The following CCDC77 variants were observed in gnomAD, a reference collection of about 807,000 sequenced individuals.
CCDC77 encodes the protein coiled-coil domain containing 77, also known as coiled-coil domain-containing protein 77.
A neutral mutation model predicts 66.8 loss-of-function variants in CCDC77; 56 were observed. The observed-to-expected ratio is 0.84, with a 90% CI of 0.68 to 1.05. The LOEUF (loss-of-function observed/expected upper bound fraction) is 1.05, where lower values mean the gene tolerates loss of function less well. Among genes scored for constraint, CCDC77 ranks in the 50% least tolerant of loss-of-function variants. CCDC77 has a pLI of 0.00. For missense variants in CCDC77, 570 were observed against 576.8 expected (o/e 0.99, Z 0.12); for synonymous variants, 196 against 195.2 (o/e 1.00, Z -0.03).
chr12:427,004 G>A (rs1252846066), intron 5 of CCDC77, among the ~76,000 whole-genome samples: 2 of 151,922 alleles, frequency 1.3e-5, no homozygotes, highest in Non-Finnish European at 2.9e-5. Flanking sequence ...CCAGCACTTT[G>A]GGGTGGCTGA....
At chr12:416,345 G>A (rs1241702508) in intron 4 of CCDC77, among the ~76,000 whole-genome samples, 1 of 32,670 alleles carries the variant, frequency 3.1e-5, no homozygotes, top group African/African-American at 1.2e-4. Context: ...GTGTGTGGGG[G>A]TGTGTGTGTG....
At chr12:428,150 G>A (rs1210491379) in intron 5 of CCDC77, among the ~76,000 whole-genome samples, 2 of 152,122 alleles carry the variant, frequency 1.3e-5, no homozygotes, top group Admixed American at 1.3e-4. Context: ...GGCAGAATGA[G>A]CCCATCAGCC....
intron 2 of CCDC77, 53 bp from the exon 3 acceptor site, chr12:409,315 T>C: frequency 7.5e-7 from 1 of 1,331,636 alleles, no homozygotes; most frequent in Non-Finnish European, 1.1e-6. Flanking sequence ...TCCTGTACTG[T>C]TTTTATTTTT....
At chr12:416,401 A>ATT (rs1346836223) in intron 4 of CCDC77, among the ~76,000 whole-genome samples, 1 of 53,668 alleles carries the variant, frequency 1.9e-5, no homozygotes, top group Non-Finnish European at 3.5e-5. Flanking sequence ...ATATATATAT[A>ATT]TATATATATA....
chr12:389,569 C>CGGA lies in CCDC77; in HGVS notation c.-113+84_-113+85insGAG, dbSNP rs60326746. The CGGA allele has an allele frequency of 1.3e-3, 311 of 239,738 alleles. 6 individuals carry two copies. The East Asian group carries it at 0.015, about 12-fold the overall frequency. 14.9% of individuals were successfully genotyped at this position (239,738 alleles called of 1,614,324 possible). ...GCCGACGGGGCGAGGCGGGGCGAGG[C>CGGA]GCAACGAGGCGGGGCGAGGCGCGAC... On this transcript the variant is annotated intron_variant, in intron 1 of 11. Transcript: ENST00000422000.
At chr12:401,467 T>C (rs942168942), upstream of CCDC77, 3 of 152,194 alleles carry the variant, frequency 2.0e-5, no homozygotes, top group Admixed American at 6.5e-5. Context: ...GAAAACTACA[T>C]TTCCCAGAGA....
chr12:395,005 AT>A (rs35644579), intron 1 of CCDC77: 1 of 152,176 alleles, frequency 6.6e-6, no homozygotes, highest in African/African-American at 2.4e-5. Flanking sequence ...TGATGATAAG[AT>A]TTTTTTAAAG....
intron 10 of CCDC77, 39 bp from the exon 11 acceptor site, chr12:440,578 G>C: frequency 6.2e-7 from 1 of 1,608,094 alleles, no homozygotes; most frequent in Non-Finnish European, 8.5e-7. Flanking sequence ...CTGAATTGTA[G>C]AACTGAGTGT....
chr12:391,102 T>G (rs1246108311), intron 1 of CCDC77, among the ~76,000 whole-genome samples: 2 of 152,224 alleles, frequency 1.3e-5, no homozygotes, highest in Non-Finnish European at 2.9e-5. Flanking sequence ...AATGTCACAT[T>G]ACAAAGGGGT....
intron 7 of CCDC77, among the ~76,000 whole-genome samples, chr12:431,212 C>CTTTTTTTTTTTT (rs61068771): frequency 1.7e-5 from 2 of 115,778 alleles, no homozygotes; most frequent in Non-Finnish European, 3.9e-5. Context: ...TTGCTCAGTT[C>CTTTTTTTTTTTT]TTTTTTTTTT....
chr12:426,200 G>A (rs532151774), intron 5 of CCDC77, among the ~76,000 whole-genome samples: 7 of 152,314 alleles, frequency 4.6e-5, no homozygotes, highest in Admixed American at 2.6e-4. Flanking sequence ...AAGTAAAAGC[G>A]TTAACATGGC....
chr12:409,484 C>A (rs1945064923), intron 3 of CCDC77, 63 bp downstream of exon 3: 4 of 1,409,838 alleles, frequency 2.8e-6, no homozygotes, highest in Non-Finnish European at 4.0e-6. Context: ...TTAGTCTAAG[C>A]ATAGGAACTG....
intron 9 of CCDC77, among the ~76,000 whole-genome samples, chr12:433,683 T>C (rs1195291477): frequency 1.3e-5 from 2 of 152,024 alleles, no homozygotes; most frequent in Admixed American, 6.6e-5. Flanking sequence ...TTTTATCCAC[T>C]GATATACTAT....
At chr12:416,369 GTGTGTGTGTATATATATATATATA>G (rs1372753725) in intron 4 of CCDC77, among the ~76,000 whole-genome samples, 22 of 29,330 alleles carry the variant, frequency 7.5e-4, no homozygotes, top group African/African-American at 1.7e-3. Context: ...GTGTGTGTGT[GTGTGTGTGTATATATATATATATA>G]TATATATATA....
At chr12:414,951 G>A (rs1049108222) in intron 4 of CCDC77, among the ~76,000 whole-genome samples, 2 of 152,024 alleles carry the variant, frequency 1.3e-5, no homozygotes, top group Non-Finnish European at 2.9e-5. Flanking sequence ...TGAAATATTT[G>A]TACTTGTCCA....
In CCDC77 at chr12:438,327, T is replaced by C. The variant is rs376328037; in HGVS notation, c.822-8T>C. The C allele has an allele frequency of 1.2e-6, 2 of 1,600,394 alleles. No homozygotes were observed. The highest frequency in any genetic ancestry group is 2.7e-5 in the African/African-American group (2 of 74,436). ...TCCTCATGTCTGCATTTATACTTTC[T>C]TTCCTAGTCTTCACCACACCCAAGA... On this transcript the variant is annotated splice_polypyrimidine_tract_variant and splice_region_variant and intron_variant, in intron 9 of 12. Transcript: ENST00000239830.
At chr12:415,994 CTG>C (rs958289274) in intron 4 of CCDC77, among the ~76,000 whole-genome samples, 23 of 151,894 alleles carry the variant, frequency 1.5e-4, no homozygotes, top group African/African-American at 3.9e-4. Context: ...TTAGTAGGGA[CTG>C]GATTTCACCA....
chr12:404,381 CTA>C, intron 1 of CCDC77, among the ~76,000 whole-genome samples: 1 of 152,178 alleles, frequency 6.6e-6, no homozygotes, highest in Non-Finnish European at 1.5e-5. Flanking sequence ...GAAGGAGTAA[CTA>C]TTGGATGGAG....
chr12:415,560 CAT>C (rs1185047605), intron 4 of CCDC77, among the ~76,000 whole-genome samples: 3 of 149,086 alleles, frequency 2.0e-5, no homozygotes, highest in Non-Finnish European at 4.4e-5. Context: ...ATATTATTAA[CAT>C]AATAATATGT....
Sources: allele counts gnomAD v4.1 joint callset (sites outside exome capture counted in the v4.1 genomes callset), GRCh38; gene constraint gnomAD v4.1.1; transcripts MANE v1.5; gene names NCBI Gene and HGNC (gene_info 2026-07-23, HGNC 2026-07-21).